The following SNTB1 variants were observed in gnomAD, a reference collection of about 807,000 sequenced individuals.
SNTB1 encodes syntrophin beta 1.
Under a neutral mutation model 48.9 loss-of-function variants are expected in SNTB1, and 36 were observed. The ratio of observed to expected loss-of-function variants is 0.74; its 90% confidence interval spans 0.56 to 0.97. The LOEUF is 0.97. Among genes scored for constraint, SNTB1 ranks in the 50% least tolerant of loss-of-function variants. SNTB1 has a pLI of 0.00. For missense variants in SNTB1, 786 were observed against 703.4 expected, an observed-to-expected ratio of 1.12 and a Z score of -1.33; for synonymous variants, 299 against 294.6, an observed-to-expected ratio of 1.01 and a Z score of -0.15.
At position 120,536,314 on chromosome 8, in the gene SNTB1, T is replaced by G. The variant is rs1056178122; in HGVS notation, c.*2563A>C. 1 of 152,292 alleles carries G rather than the reference T, an allele frequency of 6.6e-6. No individual in the cohort carries two copies. Among genetic ancestry groups the G allele is most frequent in the African/African-American group, 2.4e-5 (1 of 41,558 alleles). 9.4% of individuals were successfully genotyped at this position (152,292 alleles called of 1,614,324 possible). A position where few individuals can be genotyped will look rare whatever the true frequency, so the allele number is the denominator to read the frequency against. On this transcript the variant is annotated 3_prime_UTR_variant, in exon 7 of 7. Coordinates refer to ENST00000517992, the MANE Select transcript of SNTB1 (RefSeq NM_021021.4). ...TCATTTGGGGACAAACATTGTAAAT[T>G]TAATAATTCATGGGATTGAGCACAG...
At chr8:120,579,293 G>A (rs1476233961) in intron 3 of SNTB1, among the ~76,000 whole-genome samples, 1 of 152,212 alleles carries the variant, frequency 6.6e-6, no homozygotes, top group Non-Finnish European at 1.5e-5. Context: ...GAGACTTTAT[G>A]TCTTCATCCT....
At chr8:120,758,384 A>G (rs972973228) in intron 1 of SNTB1, among the ~76,000 whole-genome samples, 8 of 152,174 alleles carry the variant, frequency 5.3e-5, no homozygotes, top group Admixed American at 3.9e-4. Flanking sequence ...CTGGATGATG[A>G]TAATAAGAGA....
chr8:120,611,376 A>G (rs1816619618), intron 3 of SNTB1, among the ~76,000 whole-genome samples: 2 of 152,116 alleles, frequency 1.3e-5, no homozygotes, highest in Admixed American at 1.3e-4. Flanking sequence ...GTTAATAAGG[A>G]AACTGGGACT....
chr8:120,801,207 T>C (rs1416492022), intron 1 of SNTB1, among the ~76,000 whole-genome samples: 1 of 152,050 alleles, frequency 6.6e-6, no homozygotes, highest in East Asian at 1.9e-4. Context: ...GATGAAAGAA[T>C]GTTTCAGATG....
intron 1 of SNTB1, among the ~76,000 whole-genome samples, chr8:120,709,392 A>G (rs1057097108): frequency 6.6e-6 from 1 of 152,172 alleles, no homozygotes; most frequent in African/African-American, 2.4e-5. Flanking sequence ...TGAGCTGTGG[A>G]CAGAACATCC....
Position 120,562,489 on chromosome 8 carries a change from T to C in SNTB1, c.1136+12597A>G, listed in dbSNP as rs372463084. On this transcript the variant is annotated intron_variant, in intron 4 of 6. Coordinates refer to ENST00000517992, the MANE Select transcript of SNTB1 (RefSeq NM_021021.4). The stretch of plus-strand genomic sequence containing the variant: ...AGACACTGGAAGATCACTAGGTATA[T>C]GGGGACAAATGGGATGGCTGGGTGT... 5.9e-5 allele frequency among the ~76,000 whole-genome samples: 9 copies of C among 152,268 alleles called. No homozygotes were observed. In the East Asian group the frequency reaches 9.7e-4, roughly 16 times the overall value.
intron 3 of SNTB1, among the ~76,000 whole-genome samples, chr8:120,607,633 C>T (rs1816546266): frequency 6.6e-6 from 1 of 152,180 alleles, no homozygotes; most frequent in African/African-American, 2.4e-5. Context: ...TGAAGGATAA[C>T]ATCTAACTTA....
intron 1 of SNTB1, among the ~76,000 whole-genome samples, chr8:120,765,126 G>A (rs1425469569): frequency 6.6e-6 from 1 of 152,146 alleles, no homozygotes; most frequent in Non-Finnish European, 1.5e-5. Context: ...TCAGGAAACT[G>A]AGGCATGAGA....
chr8:120,658,013 T>C (rs1323164554), intron 2 of SNTB1, among the ~76,000 whole-genome samples: 1 of 152,248 alleles, frequency 6.6e-6, no homozygotes, highest in African/African-American at 2.4e-5. Flanking sequence ...TATGTGAAGT[T>C]AGCAGTGCTT....
At chr8:120,771,224 T>G (rs77196745) in intron 1 of SNTB1, among the ~76,000 whole-genome samples, 6,738 of 152,266 alleles carry the variant, frequency 0.044, 517 homozygotes, top group African/African-American at 0.15. Context: ...AAGGTCCAGG[T>G]ACCCAGACAA....
chr8:120,680,539 C>G (rs1296510941), intron 2 of SNTB1, among the ~76,000 whole-genome samples: 2 of 152,170 alleles, frequency 1.3e-5, no homozygotes, highest in East Asian at 3.9e-4. Context: ...GTCCCAAACT[C>G]ATTCTCCACT....
intron 4 of SNTB1, among the ~76,000 whole-genome samples, chr8:120,568,834 G>C (rs1815795664): frequency 6.6e-6 from 1 of 152,238 alleles, no homozygotes; most frequent in African/African-American, 2.4e-5. Context: ...TATCCACACA[G>C]AATAAGATTT....
intron 1 of SNTB1, among the ~76,000 whole-genome samples, chr8:120,734,919 G>A (rs376548538): frequency 1.3e-5 from 2 of 152,194 alleles, no homozygotes; most frequent in South Asian, 2.1e-4. Flanking sequence ...AGCTTTGGAA[G>A]TGAACACATC....
At chr8:120,742,618 A>T (rs1042676608) in intron 1 of SNTB1, among the ~76,000 whole-genome samples, 16 of 152,228 alleles carry the variant, frequency 1.1e-4, no homozygotes, top group African/African-American at 3.9e-4. Context: ...CTTCTAAGTC[A>T]TATGGGCAGT....
At chr8:120,568,530 G>A (rs1435348672) in intron 4 of SNTB1, among the ~76,000 whole-genome samples, 1 of 152,206 alleles carries the variant, frequency 6.6e-6, no homozygotes, top group Non-Finnish European at 1.5e-5. Context: ...GGAGACAATG[G>A]CATTCCAGTG....
chr8:120,574,491 A>T (rs1201492642), intron 4 of SNTB1, among the ~76,000 whole-genome samples: 1 of 152,218 alleles, frequency 6.6e-6, no homozygotes, highest in Admixed American at 6.5e-5. Flanking sequence ...ATCAAATTGT[A>T]TACATTAAAT....
chr8:120,633,489 C>T (rs1338258048), intron 2 of SNTB1, among the ~76,000 whole-genome samples: 1 of 152,034 alleles, frequency 6.6e-6, no homozygotes, highest in African/African-American at 2.4e-5. Flanking sequence ...CCTGTAGCCC[C>T]AGCTACTTGG....
At chr8:120,586,255 A>G (rs1816137562) in intron 3 of SNTB1, among the ~76,000 whole-genome samples, 2 of 152,238 alleles carry the variant, frequency 1.3e-5, no homozygotes, top group Admixed American at 1.3e-4. Context: ...GAATGTTTTT[A>G]TGTAAACTTT....
At chr8:120,749,070 T>G (rs1413499318) in intron 1 of SNTB1, among the ~76,000 whole-genome samples, 2 of 152,206 alleles carry the variant, frequency 1.3e-5, no homozygotes, top group Non-Finnish European at 2.9e-5. Flanking sequence ...TAAAAAATTA[T>G]AATGACTTAT....
Sources: allele counts gnomAD v4.1 joint callset (sites outside exome capture counted in the v4.1 genomes callset), GRCh38; gene constraint gnomAD v4.1.1; transcripts MANE v1.5; gene names NCBI Gene and HGNC (gene_info 2026-07-23, HGNC 2026-07-21).